CDH13: variants seen among roughly 807,000 people sequenced by gnomAD.
CDH13 encodes the protein cadherin-13.
Under a neutral mutation model 63.8 loss-of-function variants are expected in CDH13, and 24 were observed. The ratio of observed to expected loss-of-function variants is 0.38; its 90% CI spans 0.27 to 0.53. The LOEUF is 0.53. Among genes scored for constraint, CDH13 ranks in the 20% least tolerant of loss-of-function variants. The pLI, the probability that CDH13 is intolerant of heterozygous loss-of-function variation, is 0.85. For synonymous variants in CDH13, 503 were observed against 355.3 expected (o/e 1.42, Z -4.67); for missense variants, 1,049 against 903.1 (o/e 1.16, Z -2.07).
intron 7 of CDH13, among the ~76,000 whole-genome samples, chr16:83,547,423 A>G (rs1746224033): frequency 6.6e-6 from 1 of 152,164 alleles, no homozygotes. Context: ...TAAGTATCCA[A>G]TAGTTGTTTT....
intron 1 of CDH13, among the ~76,000 whole-genome samples, chr16:82,791,853 C>A (rs2036321880): frequency 6.6e-6 from 1 of 152,200 alleles, no homozygotes; most frequent in Admixed American, 6.5e-5. Context: ...ACTGCATGTG[C>A]CAAGGTTCCA....
intron 1 of CDH13, among the ~76,000 whole-genome samples, chr16:82,809,162 A>C (rs2037312505): frequency 6.6e-6 from 1 of 152,052 alleles, no homozygotes; most frequent in African/African-American, 2.4e-5. Flanking sequence ...CTCCTCCCCA[A>C]CATTGAATGA....
At chr16:83,320,642 A>G (rs2090202897) in intron 5 of CDH13, among the ~76,000 whole-genome samples, 1 of 152,208 alleles carries the variant, frequency 6.6e-6, no homozygotes, top group Non-Finnish European at 1.5e-5. Flanking sequence ...AATATTCTGA[A>G]GATAATTTTG....
intron 6 of CDH13, among the ~76,000 whole-genome samples, chr16:83,402,374 A>G (rs2091981775): frequency 6.6e-6 from 1 of 152,184 alleles, no homozygotes; most frequent in Non-Finnish European, 1.5e-5. Context: ...TATAGCTCCC[A>G]CTAGTGTGTT....
chr16:83,557,675 G>A (rs1414694790), intron 7 of CDH13, among the ~76,000 whole-genome samples: 1 of 152,102 alleles, frequency 6.6e-6, no homozygotes, highest in East Asian at 1.9e-4. Context: ...GTACTGGGAG[G>A]TGTCTCAGCA....
At chr16:82,972,051 A>C (rs1246184760) in intron 2 of CDH13, among the ~76,000 whole-genome samples, 2 of 152,194 alleles carry the variant, frequency 1.3e-5, no homozygotes, top group Non-Finnish European at 2.9e-5. Flanking sequence ...GATGTGCCAG[A>C]TATGTACAGA....
At chr16:83,698,905 A>C (rs1424615046) in intron 10 of CDH13, among the ~76,000 whole-genome samples, 1 of 152,266 alleles carries the variant, frequency 6.6e-6, no homozygotes, top group Non-Finnish European at 1.5e-5. Context: ...GTTCCAATAG[A>C]ACTGTGTTGA....
At chr16:83,000,228 T>A (rs1195889752) in intron 2 of CDH13, among the ~76,000 whole-genome samples, 22 of 72,482 alleles carry the variant, frequency 3.0e-4, no homozygotes, top group African/African-American at 1.4e-3. Context: ...AGCTTATTTT[T>A]TTTTTTTTTT....
intron 1 of CDH13, among the ~76,000 whole-genome samples, chr16:82,671,132 A>G (rs1321327011): frequency 6.6e-6 from 1 of 152,242 alleles, no homozygotes; most frequent in African/African-American, 2.4e-5. Flanking sequence ...AAAATTGAAT[A>G]CAAGTCTGTG....
At chr16:83,383,979 T>C (rs2091622007) in intron 6 of CDH13, among the ~76,000 whole-genome samples, 8 of 152,148 alleles carry the variant, frequency 5.3e-5, no homozygotes. Context: ...CACACAAATA[T>C]ACGTACATAT....
Position 82,968,818 on chromosome 16 carries a change from T to A in CDH13, c.158-63192T>A, listed in dbSNP as rs139990523. Among the ~76,000 whole-genome samples the A allele has an allele frequency of 5.9e-5, 9 of 152,314 alleles. No homozygotes were observed. In the East Asian group the frequency reaches 1.7e-3, roughly 29 times the overall value. On this transcript the variant is annotated intron_variant, in intron 2 of 13. Coordinates refer to ENST00000567109, the MANE Select transcript of CDH13 (RefSeq NM_001257.5). Reference sequence around the variant, plus strand: ...TTTCACAAATGGGTTTTTACATATATCTGTGTTAAGTAATAATAAGGCTGG... The same window carrying A: ...TTTCACAAATGGGTTTTTACATATAACTGTGTTAAGTAATAATAAGGCTGG...
chr16:82,674,570 A>G (rs568244571), intron 1 of CDH13, among the ~76,000 whole-genome samples: 2 of 152,344 alleles, frequency 1.3e-5, no homozygotes, highest in South Asian at 4.1e-4. Context: ...TCATCACCTG[A>G]GAAGTCCTTG....
At position 83,157,034 on chromosome 16, in the gene CDH13, G is replaced by A. The variant is rs545483327; in HGVS notation, c.483+31533G>A. On this transcript the variant is annotated intron_variant, in intron 4 of 13. Coordinates refer to ENST00000567109, the MANE Select transcript of CDH13 (RefSeq NM_001257.5). ...TTTCTTATTATATTTTCCAAATCAA[G>A]GGCAGTAGATTCCAGAACTCCAATG... Among the ~76,000 whole-genome samples the A allele has an allele frequency of 2.2e-4, 34 of 152,230 alleles. No homozygotes were observed. In the South Asian group the frequency reaches 6.8e-3, roughly 31 times the overall value.
intron 1 of CDH13, among the ~76,000 whole-genome samples, chr16:82,694,854 A>G (rs954789242): frequency 6.6e-6 from 1 of 152,156 alleles, no homozygotes; most frequent in East Asian, 1.9e-4. Flanking sequence ...CTCTTCTAGA[A>G]AGGAGGAGTG....
chr16:83,644,374 C>A (rs1311518931), intron 8 of CDH13, among the ~76,000 whole-genome samples: 1 of 152,128 alleles, frequency 6.6e-6, no homozygotes, highest in Non-Finnish European at 1.5e-5. Context: ...CATAAATGGA[C>A]ATTTTGATGG....
At chr16:83,226,535 A>G (rs930008525) in intron 5 of CDH13, among the ~76,000 whole-genome samples, 1 of 152,202 alleles carries the variant, frequency 6.6e-6, no homozygotes, top group Non-Finnish European at 1.5e-5. Context: ...GCACACATCC[A>G]TGGAATGAAT....
chr16:83,734,229 T>A (rs1369479315), intron 10 of CDH13, among the ~76,000 whole-genome samples: 1 of 152,174 alleles, frequency 6.6e-6, no homozygotes, highest in East Asian at 1.9e-4. Flanking sequence ...TTGGTTAAGA[T>A]GTAATTGTTA....
chr16:83,717,150 C>T (rs750133462), intron 10 of CDH13: 1 of 152,242 alleles, frequency 6.6e-6, no homozygotes, highest in African/African-American at 2.4e-5. Context: ...GTCCCAGCTA[C>T]TTGGGAGGCT....
intron 7 of CDH13, among the ~76,000 whole-genome samples, chr16:83,567,707 T>A (rs1273301125): frequency 6.6e-6 from 1 of 152,162 alleles, no homozygotes; most frequent in Admixed American, 6.5e-5. Flanking sequence ...GCTATTCTCC[T>A]GTCTCAGCCT....
Sources: gnomAD v4.1 joint callset for allele counts (sites outside exome capture counted in the v4.1 genomes callset) on GRCh38, gnomAD v4.1.1 for gene constraint, MANE v1.5 for transcripts, NCBI Gene and HGNC (gene_info 2026-07-23, HGNC 2026-07-21) for gene names.